The following MPHOSPH6 variants were observed in gnomAD, a reference collection of about 807,000 sequenced individuals.
MPHOSPH6 encodes the protein M-phase phosphoprotein 6.
A neutral mutation model predicts 21.8 loss-of-function variants in MPHOSPH6; 25 were observed. The ratio of observed to expected loss-of-function variants is 1.15; its 90% CI spans 0.83 to 1.60. The LOEUF (loss-of-function observed/expected upper bound fraction) is 1.60. Among genes scored for constraint, MPHOSPH6 ranks in the 40% most tolerant of loss-of-function variants. MPHOSPH6 has a pLI of 0.00. For synonymous variants in MPHOSPH6, 84 were observed against 56.5 expected (o/e 1.49, Z -2.18); for missense variants, 269 against 181.8 (o/e 1.48, Z -2.76).
At chr16:82,167,006 G>T (rs751402872) in intron 1 of MPHOSPH6, among the ~76,000 whole-genome samples, 1 of 152,204 alleles carries the variant, frequency 6.6e-6, no homozygotes, top group Non-Finnish European at 1.5e-5. Context: ...GCATAATACA[G>T]TCCTCAGGCT....
In MPHOSPH6 at chr16:82,162,896, C is replaced by G. The variant is rs557920616; in HGVS notation, c.164+1186G>C. Among the ~76,000 whole-genome samples, 10 of 152,298 alleles carry G rather than the reference C, an allele frequency of 6.6e-5. No individual in the cohort carries two copies. The South Asian group carries it at 1.9e-3, about 28-fold the overall frequency. Reference sequence around the variant, plus strand: ...TGGAAACAAGATAGAAACAGTCCTGCTCTTTAATAAACAACTGGAAGGAAC... The same window carrying G: ...TGGAAACAAGATAGAAACAGTCCTGGTCTTTAATAAACAACTGGAAGGAAC... On this transcript the variant is annotated intron_variant, in intron 2 of 4. Transcript: ENST00000258169.
intron 1 of MPHOSPH6, among the ~76,000 whole-genome samples, chr16:82,165,798 GA>G (rs1268273502): frequency 7.2e-5 from 3 of 41,508 alleles, no homozygotes; most frequent in African/African-American, 1.4e-4. Context: ...GGTTTGCGTA[GA>G]TGAACCCTAT....
chr16:82,149,290 T>C lies in MPHOSPH6; in HGVS notation c.350+19A>G. ...GAATGCTAGGTCCAGATTAGAAGGCTGCTGCGCAGCACGGTTACCTTCTAG... is the reference window on the plus strand; with the variant it reads ...GAATGCTAGGTCCAGATTAGAAGGCCGCTGCGCAGCACGGTTACCTTCTAG... On this transcript the variant is annotated intron_variant, in intron 4 of 4. Transcript: ENST00000258169. 6.2e-7 allele frequency: 1 copy of C among 1,610,696 alleles called. No homozygotes were observed.
At chr16:82,151,325 G>T in intron 3 of MPHOSPH6, 99 bp downstream of exon 3, 2 of 1,484,530 alleles carry the variant, frequency 1.3e-6, no homozygotes, top group South Asian at 1.2e-5. Context: ...TATATAATGA[G>T]TAGAAATGGT....
At chr16:82,157,814 G>A (rs1375775989) in intron 2 of MPHOSPH6, among the ~76,000 whole-genome samples, 3 of 152,342 alleles carry the variant, frequency 2.0e-5, no homozygotes, top group South Asian at 2.1e-4. Context: ...GTCCCCATAA[G>A]TGGGGGCCCT....
intron 3 of MPHOSPH6, among the ~76,000 whole-genome samples, chr16:82,150,904 G>A (rs192905007): frequency 4.4e-4 from 67 of 152,264 alleles, no homozygotes; most frequent in Non-Finnish European, 7.2e-4. Flanking sequence ...TTAAATAAAG[G>A]TCTGCTTCTC....
At chr16:82,169,845 C>T (rs1443055875) in intron 1 of MPHOSPH6, among the ~76,000 whole-genome samples, 1 of 152,194 alleles carries the variant, frequency 6.6e-6, no homozygotes, top group African/African-American at 2.4e-5. Context: ...AGGTCCCCAG[C>T]GCTTCTACCC....
At chr16:82,154,153 T>C (rs187777966) in intron 2 of MPHOSPH6, among the ~76,000 whole-genome samples, 1 of 152,322 alleles carries the variant, frequency 6.6e-6, no homozygotes, top group African/African-American at 2.4e-5. Flanking sequence ...TGCAATTGCA[T>C]GTTGAAGAAA....
At position 82,164,098 on chromosome 16, in the gene MPHOSPH6, C is replaced by T; in HGVS notation, c.148G>A (p.Glu50Lys). Residue 50 changes from glutamate (E) to lysine (K), a missense_variant, in exon 2 of 5, where the codon GAG becomes AAG. Physicochemically the swap from Glu to Lys is moderately conservative, Grantham distance 56. Transcript: ENST00000258169. ...TAAACCTACTCTTTCTCTTTAAGCT[C>T]TGGCAAATCCAAGTACCAGTGCTCT... ...SEEHWYLDLP[E>K]LKEKESFIIE... 1 of 1,611,204 alleles carries T rather than the reference C, an allele frequency of 6.2e-7. No homozygotes were observed. The highest frequency in any genetic ancestry group is 1.1e-5 in the South Asian group (1 of 90,708).
intron 2 of MPHOSPH6, among the ~76,000 whole-genome samples, chr16:82,153,386 G>C (rs1315453036): frequency 6.6e-6 from 1 of 152,184 alleles, no homozygotes; most frequent in Non-Finnish European, 1.5e-5. Context: ...TGTGATGCCT[G>C]AGAGAAGAAA....
intron 2 of MPHOSPH6, among the ~76,000 whole-genome samples, chr16:82,152,595 A>G (rs769313079): frequency 5.3e-4 from 81 of 152,284 alleles, no homozygotes; most frequent in Non-Finnish European, 9.4e-4. Flanking sequence ...GGCAGAAATA[A>G]CGGTCGCTAG....
chr16:82,161,278 C>T (rs987748040), intron 2 of MPHOSPH6, among the ~76,000 whole-genome samples: 2 of 152,170 alleles, frequency 1.3e-5, no homozygotes, highest in African/African-American at 2.4e-5. Flanking sequence ...ATTGTCCCTC[C>T]CCTACATCTC....
Position 82,164,024 on chromosome 16 carries a change from C to T in MPHOSPH6, c.164+58G>A, listed in dbSNP as rs943084206. 1.2e-5 allele frequency: 14 copies of T among 1,153,066 alleles called. No homozygotes were observed. The African/African-American group carries it at 2.0e-4, about 17-fold the overall frequency. The allele number at this position is 1,153,066 out of a possible 1,614,324, so 71.4% of individuals were successfully genotyped here. ...TCACCGGAATGATGAGTTAAATTTA[C>T]CAGGAGTTTCCTTCTGAATGCCACA... On this transcript the variant is annotated intron_variant, in intron 2 of 4. Transcript: ENST00000258169.
chr16:82,149,254 G>A, intron 4 of MPHOSPH6, 55 bp downstream of exon 4: 2 of 1,552,000 alleles, frequency 1.3e-6, no homozygotes, highest in Admixed American at 1.7e-5. Context: ...AGCATTCCTG[G>A]GAGAGCCAAT....
chr16:82,149,929 T>C (rs16956550), intron 3 of MPHOSPH6, among the ~76,000 whole-genome samples: 21,693 of 151,814 alleles, frequency 0.14, 2,232 homozygotes, highest in Admixed American at 0.34. Flanking sequence ...GAGTGGATAA[T>C]GCATCCCATG....
In MPHOSPH6 at chr16:82,148,740, G is replaced by C. The variant is rs199726943; in HGVS notation, c.474C>G (p.Pro158=). The change falls in exon 5 of 5, where the codon CCC becomes CCG. Residue 158 remains proline (P), a synonymous_variant. Transcript: ENST00000258169. ...PIKAKKMFLK[P]QD ...GCTTAAGGCATCCATCTTAATCCTGGGGCTTTAAGAACATCTTCTTTGCTT... is the reference window on the plus strand; with the variant it reads ...GCTTAAGGCATCCATCTTAATCCTGCGGCTTTAAGAACATCTTCTTTGCTT... 1.9e-6 allele frequency: 3 copies of C among 1,613,982 alleles called. No homozygotes were observed. Among genetic ancestry groups the C allele is most frequent in the East Asian group, 2.2e-5 (1 of 44,874 alleles).
chr16:82,153,530 T>C (rs1364348351), intron 2 of MPHOSPH6, among the ~76,000 whole-genome samples: 1 of 152,102 alleles, frequency 6.6e-6, no homozygotes, highest in East Asian at 1.9e-4. Flanking sequence ...TCATTGGGGC[T>C]TTAGTTGAAA....
chr16:82,155,019 A>AAGTAG (rs1196559236), intron 2 of MPHOSPH6, among the ~76,000 whole-genome samples: 1 of 152,274 alleles, frequency 6.6e-6, no homozygotes, highest in Non-Finnish European at 1.5e-5. Flanking sequence ...TATGAAGACC[A>AAGTAG]AGTAGAGTGT....
At chr16:82,162,125 T>A (rs1200159440) in intron 2 of MPHOSPH6, 1 of 152,198 alleles carries the variant, frequency 6.6e-6, no homozygotes, top group Non-Finnish European at 1.5e-5. Flanking sequence ...TTACATATAT[T>A]ACCTCATCTA....
Sources: allele counts gnomAD v4.1 joint callset (sites outside exome capture counted in the v4.1 genomes callset), GRCh38; gene constraint gnomAD v4.1.1; transcripts MANE v1.5; gene names NCBI Gene and HGNC (gene_info 2026-07-23, HGNC 2026-07-21).